The following XXYLT1 variants were observed in gnomAD, a reference collection of about 807,000 sequenced individuals.
The protein encoded by XXYLT1 is UDP-xylose:alpha-xyloside alpha-1,3-xylosyltransferase.
Under a neutral mutation model 28.9 loss-of-function variants are expected in XXYLT1, and 20 were observed. The observed-to-expected ratio is 0.69, with a 90% CI of 0.49 to 1.00. The LOEUF is 1.00. XXYLT1 is among the 50% of genes least tolerant of loss of function. The pLI is 0.00. For synonymous variants in XXYLT1, 257 were observed against 253.8 expected, an observed-to-expected ratio of 1.01 and a Z score of -0.12; for missense variants, 542 against 560.1, an observed-to-expected ratio of 0.97 and a Z score of 0.33.
intron 3 of XXYLT1, among the ~76,000 whole-genome samples, chr3:195,125,453 C>T (rs371907851): frequency 9.9e-5 from 15 of 152,268 alleles, no homozygotes; most frequent in South Asian, 2.1e-4. Context: ...GCCTGTCCAC[C>T]GGAGGGGCGT....
chr3:195,163,427 C>T (rs528260377), intron 2 of XXYLT1, among the ~76,000 whole-genome samples: 19 of 152,360 alleles, frequency 1.2e-4, no homozygotes, highest in African/African-American at 4.6e-4. Context: ...TGTCCCCTGA[C>T]ACCTGCTCCT....
rs80286211 is a variant in XXYLT1, at chr3:195,180,551, A to G, written c.653-23970T>C. 0.061 allele frequency: 59,781 copies of G among 985,372 alleles called. 1,975 individuals carry two copies. The highest frequency in any genetic ancestry group is 0.11 in the Middle Eastern group (202 of 1,916). 61.0% of individuals were successfully genotyped at this position (985,372 alleles called of 1,614,324 possible). On this transcript the variant is annotated intron_variant, in intron 2 of 3. Coordinates refer to ENST00000310380, the MANE Select transcript of XXYLT1 (RefSeq NM_152531.5). The surrounding 1 kb of genome is among the most constrained non-coding windows in gnomAD (Gnocchi z 5.8). ...AGCAAACAAACAGATAAGGGTCAGC[A>G]TCTGAGGCCAGACCCTAAGGCCCTT...
chr3:195,179,972 T>C (rs116035102), intron 2 of XXYLT1, among the ~76,000 whole-genome samples: 2,717 of 151,994 alleles, frequency 0.018, 87 homozygotes, highest in African/African-American at 0.061. Context: ...TCCCACTGTC[T>C]CCCCCAACAC....
chr3:195,114,392 T>C (rs1328027450), intron 3 of XXYLT1, among the ~76,000 whole-genome samples: 5 of 152,204 alleles, frequency 3.3e-5, no homozygotes, highest in Admixed American at 3.3e-4. Context: ...ACCTTCCACC[T>C]GCGTTGAGCT....
chr3:195,091,002 C>A (rs1056780046), intron 3 of XXYLT1, among the ~76,000 whole-genome samples: 5 of 151,256 alleles, frequency 3.3e-5, no homozygotes, highest in African/African-American at 1.2e-4. Context: ...CTGAATAGAC[C>A]AATAACAGGA....
At chr3:195,207,600 C>T in intron 2 of XXYLT1, 1 of 391,478 alleles carries the variant, frequency 2.6e-6, no homozygotes, top group Non-Finnish European at 5.2e-6. Context: ...TCACAGCTCT[C>T]TCTGTGCTGA....
At chr3:195,075,420 G>C (rs1048974799) in intron 3 of XXYLT1, among the ~76,000 whole-genome samples, 2 of 152,190 alleles carry the variant, frequency 1.3e-5, no homozygotes, top group African/African-American at 4.8e-5. Context: ...GGCCTGTCCA[G>C]GGTCACGCTG....
chr3:195,157,109 G>T (rs1469504778), intron 2 of XXYLT1, among the ~76,000 whole-genome samples: 2 of 151,976 alleles, frequency 1.3e-5, no homozygotes, highest in Non-Finnish European at 2.9e-5. Context: ...TGGGCGTGGT[G>T]GCAGGTGCCT....
rs975582901 is a variant in XXYLT1, at chr3:195,209,382, G to A, written c.652+17327C>T. The A allele has an allele frequency of 1.3e-5, 2 of 152,356 alleles. No homozygotes were observed. Among genetic ancestry groups the A allele is most frequent in the African/African-American group, 4.8e-5 (2 of 41,470 alleles). The allele number at this position is 152,356 out of a possible 1,614,324, so 9.4% of individuals were successfully genotyped here. ...CTGCGTGCTCCTGTCCACACAGGGT[G>A]GGAATCCTCCTCACCCCCTCGGCCC... On this transcript the variant is annotated intron_variant, in intron 2 of 3. Coordinates refer to ENST00000310380, the MANE Select transcript of XXYLT1 (RefSeq NM_152531.5). This position sits in a 1 kb window ranked among gnomAD's most constrained non-coding sequence, Gnocchi z 5.0.
chr3:195,233,678 T>C (rs2108812273), intron 1 of XXYLT1, among the ~76,000 whole-genome samples: 1 of 136,582 alleles, frequency 7.3e-6, no homozygotes, highest in African/African-American at 3.7e-5. Flanking sequence ...ACTTTTTAAC[T>C]TTTTGTTGTT....
At chr3:195,169,869 A>ATATTTTTTTTTTAT (rs1165940696) in intron 2 of XXYLT1, among the ~76,000 whole-genome samples, 11 of 123,230 alleles carry the variant, frequency 8.9e-5, no homozygotes, top group African/African-American at 3.4e-4. Context: ...ATATATATAT[A>ATATTTTTTTTTTAT]TTTTTTTTTT....
At chr3:195,266,813 G>A in intron 1 of XXYLT1, among the ~76,000 whole-genome samples, 1 of 152,186 alleles carries the variant, frequency 6.6e-6, no homozygotes, top group East Asian at 1.9e-4. Context: ...CCCACAGGCT[G>A]GGGTGGGGCC....
chr3:195,070,291 A>G (rs1041071359), intron 3 of XXYLT1, among the ~76,000 whole-genome samples, 180 bp from the exon 4 acceptor site: 1 of 151,550 alleles, frequency 6.6e-6, no homozygotes, highest in African/African-American at 2.4e-5. Flanking sequence ...CTGGACCCCA[A>G]GCCTCAGATT....
At chr3:195,183,496 G>C (rs992115083) in intron 2 of XXYLT1, 1 of 152,092 alleles carries the variant, frequency 6.6e-6, no homozygotes, top group Admixed American at 6.5e-5. Flanking sequence ...GTATTTCTTC[G>C]TAGCGGTGTG....
In XXYLT1 at chr3:195,124,047, G is replaced by A. The variant is rs894244362; in HGVS notation, c.785+32402C>T. On this transcript the variant is annotated intron_variant, in intron 3 of 3. Coordinates refer to ENST00000310380, the MANE Select transcript of XXYLT1 (RefSeq NM_152531.5). The surrounding 1 kb of genome is among the most constrained non-coding windows in gnomAD (Gnocchi z 4.1). ...CTTCTAGGAGCCTTTAGTGTGCTCC[G>A]TGAATCTAGAAGAGGGGGAATAAAA... is the stretch of plus-strand genomic sequence containing the variant. 4.6e-5 allele frequency among the ~76,000 whole-genome samples: 7 copies of A among 152,244 alleles called. No homozygotes were observed. Among genetic ancestry groups the A allele is most frequent in the South Asian group, 2.1e-4 (1 of 4,834 alleles).
rs367611664 is a variant in XXYLT1, at chr3:195,085,686, G to A, written c.786-15575C>T. On this transcript the variant is annotated intron_variant, in intron 3 of 3. Transcript: ENST00000310380. ...TCCTAGTAGAGTTCCAGACTGATGCGGCGAGACCACTCCATTCCACCAGGG... is the reference window on the plus strand; with the variant it reads ...TCCTAGTAGAGTTCCAGACTGATGCAGCGAGACCACTCCATTCCACCAGGG... Among the ~76,000 whole-genome samples, 6 of 152,338 alleles carry A rather than the reference G, an allele frequency of 3.9e-5. No homozygotes were observed. In the East Asian group the frequency reaches 9.7e-4, roughly 25 times the overall value.
intron 3 of XXYLT1, among the ~76,000 whole-genome samples, chr3:195,105,712 A>G (rs1168473190): frequency 6.6e-6 from 1 of 152,182 alleles, no homozygotes; most frequent in African/African-American, 2.4e-5. Flanking sequence ...TGTTTCAACT[A>G]TCAGCGGGGG....
intron 1 of XXYLT1, among the ~76,000 whole-genome samples, chr3:195,238,935 A>G (rs1188018345): frequency 3.9e-5 from 6 of 152,212 alleles, no homozygotes; most frequent in Non-Finnish European, 7.3e-5. Context: ...GGGCTGCTGC[A>G]GCCAAACTAA....
chr3:195,129,667 C>T lies in XXYLT1; in HGVS notation c.785+26782G>A, dbSNP rs1718805372. ...CACCTTTTGGCTATTATGAATAATGCTGATATGAATGTTCATTTGCATGTT... is the reference window on the plus strand; with the variant it reads ...CACCTTTTGGCTATTATGAATAATGTTGATATGAATGTTCATTTGCATGTT... On this transcript the variant is annotated intron_variant, in intron 3 of 3. Transcript: ENST00000310380. The surrounding 1 kb of genome is among the most constrained non-coding windows in gnomAD (Gnocchi z 4.4). 6.6e-6 allele frequency among the ~76,000 whole-genome samples: 1 copy of T among 152,176 alleles called. No homozygotes were observed. Among genetic ancestry groups the T allele is most frequent in the African/African-American group, 2.4e-5 (1 of 41,438 alleles).
Sources: gnomAD v4.1 joint callset for allele counts (sites outside exome capture counted in the v4.1 genomes callset) on GRCh38, gnomAD v4.1.1 for gene constraint, Gnocchi (gnomAD v3.1) non-coding constraint, MANE v1.5 for transcripts, NCBI Gene and HGNC (gene_info 2026-07-23, HGNC 2026-07-21) for gene names.